Variants in DHRS7B observed in about 807,000 individuals in gnomAD.
DHRS7B encodes peroxisomal reductase activating PPAR-gamma.
DHRS7B carries 24 observed loss-of-function variants against 26.4 expected under a neutral mutation model. That is an observed-to-expected ratio of 0.91 (90% CI 0.66 to 1.28). The LOEUF is 1.28. Among genes scored for constraint, DHRS7B ranks in the 50% most tolerant of loss-of-function variants. The probability of loss-of-function intolerance (pLI) is 0.00; values close to 1 mark genes in which losing one functional copy is unlikely to be tolerated. For missense variants in DHRS7B, 368 were observed against 419.4 expected (o/e 0.88, Z 1.07); for synonymous variants, 142 against 166.4 (o/e 0.85, Z 1.13).
At chr17:21,177,699 C>A (rs1974414957) in intron 2 of DHRS7B, among the ~76,000 whole-genome samples, 1 of 152,226 alleles carries the variant, frequency 6.6e-6, no homozygotes, top group African/African-American at 2.4e-5. Context: ...TTCAGGCACT[C>A]TGCTCCCTCT....
chr17:21,171,734 G>T, intron 1 of DHRS7B: 1 of 529,646 alleles, frequency 1.9e-6, no homozygotes, highest in Non-Finnish European at 3.5e-6. Flanking sequence ...TAACACTGTG[G>T]GTGACTATGT....
intron 1 of DHRS7B, among the ~76,000 whole-genome samples, chr17:21,130,597 GT>G (rs1973208597): frequency 6.6e-6 from 1 of 151,898 alleles, no homozygotes. Flanking sequence ...TAAATACTGG[GT>G]TTTTCAAAGA....
chr17:21,155,671 A>G (rs1392262455), intron 1 of DHRS7B, among the ~76,000 whole-genome samples: 2 of 152,228 alleles, frequency 1.3e-5, no homozygotes, highest in African/African-American at 2.4e-5. Context: ...AGCAGATTAT[A>G]CATTCTTCCC....
chr17:21,176,714 C>T (rs553851670), intron 2 of DHRS7B, among the ~76,000 whole-genome samples: 2 of 151,952 alleles, frequency 1.3e-5, no homozygotes, highest in South Asian at 2.1e-4. Flanking sequence ...TTCAATCTCA[C>T]GGTCACACCC....
In DHRS7B at chr17:21,191,369, A is replaced by G; in HGVS notation, c.*216A>G. 1.7e-6 allele frequency: 1 copy of G among 573,210 alleles called. No individual in the cohort carries two copies. Among genetic ancestry groups the G allele is most frequent in the Non-Finnish European group, 3.1e-6 (1 of 323,166 alleles). 35.5% of individuals were successfully genotyped at this position (573,210 alleles called of 1,614,324 possible). A position where few individuals can be genotyped will look rare whatever the true frequency, so the allele number is the denominator to read the frequency against. On this transcript the variant is annotated 3_prime_UTR_variant, in exon 7 of 7. Transcript: ENST00000395511. ...GAGGGGAAACACTTAAGGAATAAAT[A>G]TGGAGCTGGGGTTTAACACTAAAAA... is the stretch of plus-strand genomic sequence containing the variant.
At chr17:21,145,148 C>T (rs1017143379) in intron 1 of DHRS7B, among the ~76,000 whole-genome samples, 1 of 151,840 alleles carries the variant, frequency 6.6e-6, no homozygotes, top group Non-Finnish European at 1.5e-5. Flanking sequence ...CATGGTGAAA[C>T]CCAATCTCTA....
At chr17:21,157,621 G>A (rs1016731335) in intron 1 of DHRS7B, among the ~76,000 whole-genome samples, 27 of 152,312 alleles carry the variant, frequency 1.8e-4, no homozygotes, top group Non-Finnish European at 1.5e-4. Flanking sequence ...TTGAGCCTGG[G>A]CAGTTGAGGG....
Position 21,150,119 on chromosome 17 carries a change from A to C in DHRS7B, c.21-21899A>C, listed in dbSNP as rs1212132408. 5.9e-5 allele frequency among the ~76,000 whole-genome samples: 7 copies of C among 118,854 alleles called. 1 individual carries two copies. Among genetic ancestry groups the C allele is most frequent in the African/African-American group, 1.5e-4 (5 of 34,282 alleles). The allele number at this position is 118,854 out of a possible 152,430, so 78.0% of individuals were successfully genotyped here. A position where few individuals can be genotyped will look rare whatever the true frequency, so the allele number is the denominator to read the frequency against. On this transcript the variant is annotated intron_variant, in intron 1 of 6. Transcript: ENST00000395511. The stretch of plus-strand genomic sequence containing the variant: ...CCATCTCTATTTAAAAAAAAAAAAA[A>C]AAAAAAAAAAAAACTAAGGCATAGA...
intron 1 of DHRS7B, among the ~76,000 whole-genome samples, chr17:21,135,856 C>G (rs756637396): frequency 2.0e-5 from 3 of 152,142 alleles, no homozygotes; most frequent in Non-Finnish European, 4.4e-5. Context: ...TACAATCTTA[C>G]GTGCCCACCT....
chr17:21,191,215 G>A lies in DHRS7B; in HGVS notation c.*62G>A, dbSNP rs998829954. 1.3e-6 allele frequency: 2 copies of A among 1,520,130 alleles called. No homozygotes were observed. The highest frequency in any genetic ancestry group is 2.8e-5 in the African/African-American group (2 of 72,516). 94.2% of individuals were successfully genotyped at this position (1,520,130 alleles called of 1,614,324 possible). ...ACTCTTAGGCTTGCTTACTCTACAA[G>A]GGACAGTTGCATTTGTTGAGACTTT... On this transcript the variant is annotated 3_prime_UTR_variant, in exon 7 of 7. Transcript: ENST00000395511.
chr17:21,178,899 C>T (rs549319293), intron 3 of DHRS7B, among the ~76,000 whole-genome samples: 12 of 152,150 alleles, frequency 7.9e-5, no homozygotes, highest in African/African-American at 1.9e-4. Context: ...ATGATCTGCC[C>T]GCCTCAGCCT....
At chr17:21,188,427 A>G (rs905284161) in intron 5 of DHRS7B, among the ~76,000 whole-genome samples, 4 of 152,188 alleles carry the variant, frequency 2.6e-5, no homozygotes, top group African/African-American at 7.2e-5. Flanking sequence ...AGGGCACAGT[A>G]CACTTCTCAA....
At chr17:21,160,803 G>A (rs1290781110) in intron 1 of DHRS7B, among the ~76,000 whole-genome samples, 5 of 151,958 alleles carry the variant, frequency 3.3e-5, no homozygotes, top group African/African-American at 9.7e-5. Flanking sequence ...CATAATTGCC[G>A]AAACTTCGAA....
At chr17:21,152,460 G>A (rs1306733403) in intron 1 of DHRS7B, among the ~76,000 whole-genome samples, 11 of 152,156 alleles carry the variant, frequency 7.2e-5, no homozygotes, top group Non-Finnish European at 1.5e-4. Context: ...CAGCCCAGGT[G>A]TTTCTTTATA....
chr17:21,156,533 A>G (rs536815298), intron 1 of DHRS7B, among the ~76,000 whole-genome samples: 1 of 151,960 alleles, frequency 6.6e-6, no homozygotes, highest in East Asian at 1.9e-4. Context: ...TGAACCTGGG[A>G]GGTAGAGGTT....
At chr17:21,158,459 T>A (rs1320036760) in intron 1 of DHRS7B, among the ~76,000 whole-genome samples, 1 of 152,242 alleles carries the variant, frequency 6.6e-6, no homozygotes, top group Admixed American at 6.5e-5. Context: ...CTTTTCTGTA[T>A]ACCAGCCGTG....
At chr17:21,156,556 T>C (rs756673405) in intron 1 of DHRS7B, among the ~76,000 whole-genome samples, 1 of 128,386 alleles carries the variant, frequency 7.8e-6, no homozygotes, top group African/African-American at 3.0e-5. Context: ...ATTGAGCCAA[T>C]ATTGCACCAC....
chr17:21,136,367 G>A (rs1474475215), intron 1 of DHRS7B, among the ~76,000 whole-genome samples: 3 of 150,722 alleles, frequency 2.0e-5, no homozygotes, highest in Non-Finnish European at 2.9e-5. Flanking sequence ...TCAAAGCCCT[G>A]TAACTCAATG....
In DHRS7B at chr17:21,137,295, C is replaced by CTT. The variant is rs1194614460; in HGVS notation, c.20+10322_20+10323dup. On this transcript the variant is annotated intron_variant, in intron 1 of 6. Coordinates refer to ENST00000395511, the MANE Select transcript of DHRS7B (RefSeq NM_015510.5). Reference sequence around the variant, plus strand: ...GGGCCTGCCCATTTTTCTTTTTTGTCTTTTTTTTTTTTTTTTTTTGAGACA... The same window carrying CTT: ...GGGCCTGCCCATTTTTCTTTTTTGTCTTTTTTTTTTTTTTTTTTTTTGAGACA... Among the ~76,000 whole-genome samples, 411 of 108,226 alleles carry CTT rather than the reference C, an allele frequency of 3.8e-3. 10 individuals are homozygous for CTT. The highest frequency in any genetic ancestry group is 0.012 in the African/African-American group (345 of 28,320). 71.0% of individuals were successfully genotyped at this position (108,226 alleles called of 152,430 possible). A position where few individuals can be genotyped will look rare whatever the true frequency, so the allele number is the denominator to read the frequency against.
Sources: allele counts gnomAD v4.1 joint callset (sites outside exome capture counted in the v4.1 genomes callset), GRCh38; gene constraint gnomAD v4.1.1; transcripts MANE v1.5; gene names NCBI Gene and HGNC (gene_info 2026-07-23, HGNC 2026-07-21).